DAB2IP: variants seen among roughly 807,000 people sequenced by gnomAD.
DAB2IP encodes the protein DAB2 interacting protein.
DAB2IP carries 28 observed loss-of-function variants against 107.2 expected under a neutral mutation model. That is an observed-to-expected ratio of 0.26 (90% confidence interval 0.19 to 0.36). The LOEUF is 0.36. Among genes scored for constraint, DAB2IP ranks in the 10% least tolerant of loss-of-function variants. The probability of loss-of-function intolerance (pLI) is 1.00; values close to 1 mark genes in which losing one functional copy is unlikely to be tolerated. For synonymous variants in DAB2IP, 755 were observed against 706.4 expected (o/e 1.07, Z -1.09); for missense variants, 1,400 against 1,644.7 (o/e 0.85, Z 2.57).
chr9:121,608,991 G>C (rs111940258), intron 1 of DAB2IP, among the ~76,000 whole-genome samples: 3 of 152,322 alleles, frequency 2.0e-5, no homozygotes, highest in African/African-American at 7.2e-5. Flanking sequence ...GCCCAGGCTA[G>C]AGTGCAGTGG....
chr9:121,598,073 C>T (rs749987331), intron 1 of DAB2IP, among the ~76,000 whole-genome samples: 1 of 152,198 alleles, frequency 6.6e-6, no homozygotes, highest in Non-Finnish European at 1.5e-5. Context: ...GGTTTCAGAG[C>T]CAATTTAAAG....
At chr9:121,571,268 A>G (rs1385362607) in intron 1 of DAB2IP, among the ~76,000 whole-genome samples, 1 of 152,108 alleles carries the variant, frequency 6.6e-6, no homozygotes, top group African/African-American at 2.4e-5. Context: ...TTTCACCTGC[A>G]TCTCCCGTGA....
Position 121,715,243 on chromosome 9 carries a change from A to AGG in DAB2IP, c.362+15789_362+15790dup, listed in dbSNP as rs890350964. ...GAGAGAGGGTTATAGGACTCTAGAA[A>AGG]GGGGGAACCCTCAACAGCCACAGCC... On this transcript the variant is annotated intron_variant, in intron 3 of 15. Coordinates refer to ENST00000408936, the Ensembl canonical transcript of DAB2IP. Among the ~76,000 whole-genome samples, 10 of 152,232 alleles carry AGG rather than the reference A, an allele frequency of 6.6e-5. No homozygotes were observed. In the East Asian group the frequency reaches 1.7e-3, roughly 26 times the overall value.
intron 13 of DAB2IP, among the ~76,000 whole-genome samples, chr9:121,775,950 G>A (rs867682838): frequency 7.9e-5 from 12 of 152,292 alleles, no homozygotes; most frequent in Middle Eastern, 3.4e-3. Context: ...CTTCATCCCC[G>A]CTGTAGCCAT....
intron 9 of DAB2IP, 127 bp from the exon 10 acceptor site, chr9:121,768,305 C>G: frequency 1.0e-6 from 1 of 995,966 alleles, no homozygotes; most frequent in Non-Finnish European, 1.6e-6. Context: ...ATTCAGCTGA[C>G]TTGGGGAGTG....
intron 1 of DAB2IP, among the ~76,000 whole-genome samples, chr9:121,579,012 G>C (rs1830130914): frequency 6.6e-6 from 1 of 152,004 alleles, no homozygotes; most frequent in African/African-American, 2.4e-5. Context: ...TTTCTCTTGG[G>C]GCACCATCTT....
rs561193722 is a variant in DAB2IP at position 121,679,503 on chromosome 9, A to G, written c.228+722A>G. ...CTCGTTCAGGAGCATTACTGTGTGT[A>G]CCTCTCTCCAGGGCTGTGCCAGGCA... On this transcript the variant is annotated intron_variant, in intron 2 of 15. Transcript: ENST00000408936. 5.3e-5 allele frequency among the ~76,000 whole-genome samples: 8 copies of G among 151,008 alleles called. No homozygotes were observed. The East Asian group carries it at 1.6e-3, about 29-fold the overall frequency.
intron 1 of DAB2IP, among the ~76,000 whole-genome samples, chr9:121,620,172 A>G (rs550687153): frequency 1.3e-4 from 20 of 152,312 alleles, no homozygotes; most frequent in South Asian, 8.3e-4. Context: ...CAGCCGCTCA[A>G]ATGGGCGGCT....
At position 121,760,572 on chromosome 9, in the gene DAB2IP, A is replaced by C; in HGVS notation, c.1170+133A>C. 1 of 1,122,164 alleles carries C rather than the reference A, an allele frequency of 8.9e-7. No individual in the cohort carries two copies. The highest frequency in any genetic ancestry group is 1.2e-6 in the Non-Finnish European group (1 of 815,834). The allele number at this position is 1,122,164 out of a possible 1,614,324, so 69.5% of individuals were successfully genotyped here. The stretch of plus-strand genomic sequence containing the variant: ...CGGTCACTACCAGAAGGGCTCCCTA[A>C]ACCCAAAAGTTCTATCGTGGGCTGG... On this transcript the variant is annotated intron_variant, in intron 6 of 15. Coordinates refer to ENST00000408936, the Ensembl canonical transcript of DAB2IP. This position sits in a 1 kb window ranked among gnomAD's most constrained non-coding sequence, Gnocchi z 5.9.
chr9:121,591,206 T>C (rs145419997), intron 1 of DAB2IP, among the ~76,000 whole-genome samples: 3 of 152,310 alleles, frequency 2.0e-5, no homozygotes, highest in African/African-American at 7.2e-5. Flanking sequence ...TGGTAGCTTA[T>C]GCCTGTAATC....
intron 1 of DAB2IP, among the ~76,000 whole-genome samples, chr9:121,587,247 C>G (rs1179676641): frequency 6.6e-6 from 1 of 152,042 alleles, no homozygotes; most frequent in Non-Finnish European, 1.5e-5. Flanking sequence ...TGGGAAAGTG[C>G]AGTGTAGGCA....
intron 1 of DAB2IP, among the ~76,000 whole-genome samples, chr9:121,606,512 G>T (rs1830876765): frequency 6.6e-6 from 1 of 152,190 alleles, no homozygotes; most frequent in East Asian, 1.9e-4. Flanking sequence ...ACACAGCTCA[G>T]CTCCCATGGC....
rs776309983 is a variant in DAB2IP at position 121,635,969 on chromosome 9, T to C, written c.41-42709T>C. 2.0e-5 allele frequency among the ~76,000 whole-genome samples: 3 copies of C among 152,160 alleles called. No individual in the cohort carries two copies. The highest frequency in any genetic ancestry group is 4.4e-5 in the Non-Finnish European group (3 of 68,030). ...CCCAGGCTGGAGTGCAGTGGCACGA[T>C]CTCGGCTCACTGCAACCTCTGCCTC... On this transcript the variant is annotated intron_variant, in intron 1 of 16. Transcript: ENST00000259371. This position sits in a 1 kb window ranked among gnomAD's most constrained non-coding sequence, Gnocchi z 4.3.
Position 121,782,303 on chromosome 9 carries a change from C to T in DAB2IP, c.3403-28C>T, listed in dbSNP as rs567352529. On this transcript the variant is annotated intron_variant, in intron 15 of 15. Coordinates refer to ENST00000408936, the Ensembl canonical transcript of DAB2IP. The surrounding 1 kb of genome is among the most constrained non-coding windows in gnomAD (Gnocchi z 6.1). ...CAGCCCTAAGGAGCCTGTCCCATGA[C>T]CCCCGCTCACATCCCCATTGTCCAC... 10 of 1,608,086 alleles carry T rather than the reference C, an allele frequency of 6.2e-6. No individual in the cohort carries two copies. In the South Asian group the frequency reaches 6.6e-5, roughly 11 times the overall value.
intron 3 of DAB2IP, among the ~76,000 whole-genome samples, chr9:121,706,136 G>T (rs1830048047): frequency 6.6e-6 from 1 of 152,204 alleles, no homozygotes; most frequent in Non-Finnish European, 1.5e-5. Flanking sequence ...AGAACCTCTG[G>T]TGGTTCTAGT....
At position 121,609,096 on chromosome 9, in the gene DAB2IP, C is replaced by A. The variant is rs549081545; in HGVS notation, c.40+41868C>A. ...AGCTGGGACTACAGGTGTGTGCCATCACGGCCAGCTATTTTTTTGTGTGTT... is the reference window on the plus strand; with the variant it reads ...AGCTGGGACTACAGGTGTGTGCCATAACGGCCAGCTATTTTTTTGTGTGTT... On this transcript the variant is annotated intron_variant, in intron 1 of 16. Coordinates refer to the DAB2IP transcript ENST00000259371. Among the ~76,000 whole-genome samples, 15 of 152,354 alleles carry A rather than the reference C, an allele frequency of 9.8e-5. No homozygotes were observed. The South Asian group carries it at 3.1e-3, about 32-fold the overall frequency.
intron 3 of DAB2IP, among the ~76,000 whole-genome samples, chr9:121,705,160 T>C (rs1256403241): frequency 6.6e-6 from 1 of 152,200 alleles, no homozygotes. Context: ...TTAGGAACGG[T>C]GGAAATTAGC....
Position 121,651,605 on chromosome 9 carries a change from G to C in DAB2IP, c.-171G>C, listed in dbSNP as rs370669978. The C allele has an allele frequency of 3.7e-5, 37 of 1,006,256 alleles. No homozygotes were observed. In the East Asian group the frequency reaches 2.4e-3, roughly 67 times the overall value. 62.3% of individuals were successfully genotyped at this position (1,006,256 alleles called of 1,614,324 possible). ...GGGCCGGCTGCTCGGGGAGCGGGAG[G>C]GGGCAGGAGGCGGAGGAGGAGTTTG... On this transcript the variant is annotated 5_prime_UTR_variant, in exon 1 of 16. Transcript: ENST00000408936. This position sits in a 1 kb window ranked among gnomAD's most constrained non-coding sequence, Gnocchi z 5.1.
chr9:121,576,663 A>AAG (rs1400549464), intron 1 of DAB2IP, among the ~76,000 whole-genome samples: 5 of 152,154 alleles, frequency 3.3e-5, no homozygotes, highest in African/African-American at 1.2e-4. Context: ...TGGGTAAAGA[A>AAG]AGAAGTCAGG....
Sources: allele counts gnomAD v4.1 joint callset (sites outside exome capture counted in the v4.1 genomes callset), GRCh38; gene constraint gnomAD v4.1.1; non-coding constraint Gnocchi (gnomAD v3.1); transcripts MANE v1.5; gene names NCBI Gene and HGNC (gene_info 2026-07-23, HGNC 2026-07-21).